The following CACNA1G variants were observed in gnomAD, a reference collection of about 807,000 sequenced individuals.
The protein encoded by CACNA1G is calcium voltage-gated channel subunit alpha1 G, also known as voltage-dependent T-type calcium channel subunit alpha-1G.
CACNA1G carries 67 observed loss-of-function variants against 219.4 expected under a neutral mutation model. That is an observed-to-expected ratio of 0.31 (90% confidence interval 0.25 to 0.37). The LOEUF (loss-of-function observed/expected upper bound fraction) is 0.37, where lower values mean the gene tolerates loss of function less well. Ranked by LOEUF, CACNA1G falls within the 10% of genes least tolerant of loss-of-function variation. The pLI, the probability that CACNA1G is intolerant of heterozygous loss-of-function variation, is 1.00. For missense variants in CACNA1G, 2,380 were observed against 3,231.4 expected (o/e 0.74, Z 6.39); for synonymous variants, 1,296 against 1,345.3 (o/e 0.96, Z 0.80).
intron 19 of CACNA1G, 121 bp downstream of exon 19, chr17:50,601,295 C>A: frequency 8.2e-7 from 1 of 1,224,466 alleles, no homozygotes; most frequent in Non-Finnish European, 1.1e-6. Context: ...ACGAGGGGGC[C>A]AGGACTCTCC....
At chr17:50,614,284 T>C (rs1295226446) in intron 26 of CACNA1G, among the ~76,000 whole-genome samples, 1 of 152,188 alleles carries the variant, frequency 6.6e-6, no homozygotes, top group Non-Finnish European at 1.5e-5. Flanking sequence ...GGCTCAGGCC[T>C]CAGAGGCGGC....
rs12449998 is a variant in CACNA1G at position 50,575,993 on chromosome 17, C to T, written c.1591C>T (p.Arg531Trp). Residue 531 changes from arginine to tryptophan, a missense_variant, in exon 8 of 38, where the codon CGG becomes TGG. Physicochemically the swap from Arg to Trp is moderately radical, Grantham distance 101 (BLOSUM62 -3). Around this residue, in one of 17 missense-constraint regions of CACNA1G, gnomAD observed 434 missense variants for 417.3 expected, o/e 1.04. Coordinates refer to ENST00000359106, the MANE Select transcript of CACNA1G (RefSeq NM_018896.5). ...IQDRDANGSR[R>W]LMLPPPSTPA... ...GGACAGGGATGCCAATGGGTCCCGC[C>T]GGCTCATGCTGCCACCACCCTCGAC... 7 of 1,554,264 alleles carry T rather than the reference C, an allele frequency of 4.5e-6. No individual in the cohort carries two copies. The highest frequency in any genetic ancestry group is 1.4e-5 in the African/African-American group (1 of 73,164).
chr17:50,619,002 C>G lies in CACNA1G; in HGVS notation c.5775C>G (p.His1925Gln), dbSNP rs1364546644. ...CAGCCTCCCACTTTTCCCTGGAGCA[C>G]CCCACGGTGAGCAGACACCCACCCC... is the stretch of plus-strand genomic sequence containing the variant. ...ARSASHFSLE[H>Q]PTDRQLFDTI... Residue 1925 changes from histidine (H) to glutamine (Q), a missense_variant, in exon 33 of 38, where the codon CAC becomes CAG. Transcript: ENST00000359106. The G allele has an allele frequency of 5.9e-6, 9 of 1,522,544 alleles. No individual in the cohort carries two copies. The African/African-American group carries it at 1.1e-4, about 19-fold the overall frequency. 94.3% of individuals were successfully genotyped at this position (1,522,544 alleles called of 1,614,324 possible).
chr17:50,566,758 C>A (rs986790035), intron 1 of CACNA1G, among the ~76,000 whole-genome samples: 1 of 152,230 alleles, frequency 6.6e-6, no homozygotes, highest in Non-Finnish European at 1.5e-5. Context: ...TCATCTGCTC[C>A]GTGCCAGGCA....
chr17:50,565,384 G>GC lies in CACNA1G; in HGVS notation c.243-3486_243-3485insC, dbSNP rs932301758. On this transcript the variant is annotated intron_variant, in intron 1 of 37. Transcript: ENST00000359106. ...CACAGGGAAATAGGCTTGTGGGGTG[G>GC]GGCGGGGGGTTCTGCTGGGGGAATC... 8.8e-5 allele frequency among the ~76,000 whole-genome samples: 7 copies of GC among 79,278 alleles called. 1 individual carries two copies. The highest frequency in any genetic ancestry group is 3.9e-4 in the Admixed American group (3 of 7,632). The allele number at this position is 79,278 out of a possible 152,430, so 52.0% of individuals were successfully genotyped here.
At chr17:50,580,437 G>A (rs1291552111) in intron 9 of CACNA1G, among the ~76,000 whole-genome samples, 1 of 152,148 alleles carries the variant, frequency 6.6e-6, no homozygotes, top group African/African-American at 2.4e-5. Flanking sequence ...CTACCCCGGG[G>A]GGAGCACCCA....
chr17:50,587,063 G>A (rs1173177582), intron 9 of CACNA1G, among the ~76,000 whole-genome samples: 1 of 152,222 alleles, frequency 6.6e-6, no homozygotes, highest in African/African-American at 2.4e-5. Context: ...GACCTGGGAA[G>A]GGACTTCCAC....
chr17:50,606,109 G>A, intron 23 of CACNA1G, 86 bp downstream of exon 23: 1 of 1,555,930 alleles, frequency 6.4e-7, no homozygotes, highest in Admixed American at 1.7e-5. Flanking sequence ...GCTGACTCCG[G>A]TGGAGGTGGG....
intron 35 of CACNA1G, 30 bp from the exon 36 acceptor site, chr17:50,623,877 C>G (rs765609501): frequency 6.3e-7 from 1 of 1,592,724 alleles, no homozygotes; most frequent in East Asian, 2.3e-5. Flanking sequence ...CACCCTCTTC[C>G]TCCACCTCCC....
intron 10 of CACNA1G, 23 bp downstream of exon 10, chr17:50,590,645 A>G (rs368996733): frequency 3.8e-6 from 6 of 1,590,598 alleles, no homozygotes; most frequent in Admixed American, 3.5e-5. Flanking sequence ...CCCGGCACTG[A>G]CTCTCAGTTG....
Position 50,596,394 on chromosome 17 carries a change from G to A in CACNA1G, c.2980-168G>A, listed in dbSNP as rs909287874. On this transcript the variant is annotated intron_variant, in intron 14 of 37. Coordinates refer to ENST00000359106, the MANE Select transcript of CACNA1G (RefSeq NM_018896.5). The surrounding 1 kb of genome is among the most constrained non-coding windows in gnomAD (Gnocchi z 4.8). ...AGGTGGTGGGGCCCTGGGAAGCCTCGGGCCCCAAGCCTGGGGGGTCTGGCC... is the reference window on the plus strand; with the variant it reads ...AGGTGGTGGGGCCCTGGGAAGCCTCAGGCCCCAAGCCTGGGGGGTCTGGCC... Among the ~76,000 whole-genome samples the A allele has an allele frequency of 6.6e-6, 1 of 152,118 alleles. No individual in the cohort carries two copies. Among genetic ancestry groups the A allele is most frequent in the Non-Finnish European group, 1.5e-5 (1 of 68,024 alleles).
Position 50,573,016 on chromosome 17 carries a change from C to T in CACNA1G, c.1048-5C>T. The T allele has an allele frequency of 6.3e-7, 1 of 1,577,084 alleles. No individual in the cohort carries two copies. Among genetic ancestry groups the T allele is most frequent in the Non-Finnish European group, 8.6e-7 (1 of 1,160,290 alleles). On this transcript the variant is annotated splice_region_variant and splice_polypyrimidine_tract_variant and intron_variant, in intron 6 of 37. Coordinates refer to ENST00000359106, the MANE Select transcript of CACNA1G (RefSeq NM_018896.5). ...ATAGTCAGCCTGCCCCTCTGCACCC[C>T]CTAGGTCATCACGCTGGAGGGCTGG...
chr17:50,570,705 C>G (rs962626226), intron 4 of CACNA1G, among the ~76,000 whole-genome samples: 24 of 152,232 alleles, frequency 1.6e-4, no homozygotes, highest in Non-Finnish European at 3.4e-4. Flanking sequence ...CTCTCCCGCC[C>G]CAGGTGATGG....
At position 50,603,332 on chromosome 17, in the gene CACNA1G, C is replaced by A. The variant is rs1171878040; in HGVS notation, c.4169+133C>A. On this transcript the variant is annotated intron_variant, in intron 21 of 37. Coordinates refer to ENST00000359106, the MANE Select transcript of CACNA1G (RefSeq NM_018896.5). The surrounding 1 kb of genome is among the most constrained non-coding windows in gnomAD (Gnocchi z 6.4). ...GCATCCTGTCTGTGACCCCCACAGG[C>A]GATCCTGTCCCCGCCCCAGACAACA... is the stretch of plus-strand genomic sequence containing the variant. 6.8e-6 allele frequency: 5 copies of A among 736,110 alleles called. No individual in the cohort carries two copies. The highest frequency in any genetic ancestry group is 1.8e-5 in the African/African-American group (1 of 56,948). The allele number at this position is 736,110 out of a possible 1,614,324, so 45.6% of individuals were successfully genotyped here.
intron 10 of CACNA1G, 58 bp from the exon 11 acceptor site, chr17:50,591,377 G>C: frequency 1.4e-6 from 2 of 1,438,262 alleles, no homozygotes; most frequent in Non-Finnish European, 9.2e-7. Context: ...TCCTCTCCGA[G>C]GGAGTAGGGG....
At chr17:50,566,425 G>A (rs1341616037) in intron 1 of CACNA1G, among the ~76,000 whole-genome samples, 1 of 152,178 alleles carries the variant, frequency 6.6e-6, no homozygotes, top group African/African-American at 2.4e-5. Flanking sequence ...GGGTGGGCAG[G>A]ATGTTACTTG....
In CACNA1G at chr17:50,626,063, G is replaced by A. The variant is rs765601525; in HGVS notation, c.6446G>A (p.Arg2149Gln). The A allele has an allele frequency of 3.7e-5, 60 of 1,613,146 alleles. No homozygotes were observed. The highest frequency in any genetic ancestry group is 4.6e-5 in the Non-Finnish European group (54 of 1,179,682). ...DSLDVQGLGS[R>Q]EDLLAEVSGP... ...TTGGACGTTCAGGGTCTGGGCAGCC[G>A]GGAAGACCTGCTGGCAGAGGTGAGT... The change falls in exon 38 of 38, where the codon CGG becomes CAG. Residue 2149 changes from arginine to glutamine, a missense_variant. Physicochemically the swap from Arg to Gln is conservative, Grantham distance 43. Around this residue, in one of 17 missense-constraint regions of CACNA1G, gnomAD observed 672 missense variants for 670.5 expected, o/e 1.00. Coordinates refer to ENST00000359106, the MANE Select transcript of CACNA1G (RefSeq NM_018896.5). The surrounding 1 kb of genome is among the most constrained non-coding windows in gnomAD (Gnocchi z 4.3).
intron 36 of CACNA1G, 83 bp from the exon 37 acceptor site, chr17:50,624,277 G>A (rs1464653414): frequency 1.5e-6 from 2 of 1,310,500 alleles, no homozygotes; most frequent in Non-Finnish European, 2.1e-6. Flanking sequence ...GTGGAAGGGA[G>A]GGCTCAGGTG....
intron 9 of CACNA1G, among the ~76,000 whole-genome samples, chr17:50,582,310 G>C (rs551842447): frequency 5.9e-5 from 9 of 152,282 alleles, no homozygotes; most frequent in African/African-American, 2.2e-4. Context: ...CAGTATGAGG[G>C]CTCCGGCAGT....
Sources: allele counts gnomAD v4.1 joint callset (sites outside exome capture counted in the v4.1 genomes callset), GRCh38; gene constraint gnomAD v4.1.1; regional missense constraint gnomAD v4.1.1; non-coding constraint Gnocchi (gnomAD v3.1); transcripts MANE v1.5; gene names NCBI Gene and HGNC (gene_info 2026-07-23, HGNC 2026-07-21).